Variants in DOCK5 observed in about 807,000 individuals in gnomAD.
The protein encoded by DOCK5 is dedicator of cytokinesis protein 5.
A neutral mutation model predicts 251.8 loss-of-function variants in DOCK5; 142 were observed. The ratio of observed to expected loss-of-function variants is 0.56; its 90% CI spans 0.49 to 0.65. The LOEUF (loss-of-function observed/expected upper bound fraction) is 0.65. Among genes scored for constraint, DOCK5 ranks in the 30% least tolerant of loss-of-function variants. DOCK5 has a pLI of 0.00. For synonymous variants in DOCK5, 842 were observed against 835.5 expected (o/e 1.01, Z -0.13); for missense variants, 2,111 against 2,312.3 (o/e 0.91, Z 1.79).
Position 25,336,345 on chromosome 8 carries a change from A to C in DOCK5, c.2299A>C (p.Ile767Leu). The C allele has an allele frequency of 6.2e-7, 1 of 1,613,974 alleles. No homozygotes were observed. Among genetic ancestry groups the C allele is most frequent in the Non-Finnish European group, 8.5e-7 (1 of 1,179,862 alleles). ...AGCCTTGAAGTACTTGTTTAGATTC[A>C]TCATCCAATCCCGAGTGCTCTACTT... ...LKALKYLFRF[I>L]IQSRVLYLRF... Residue 767 changes from isoleucine (I) to leucine (L), a missense_variant, in exon 22 of 52, where the codon ATC (isoleucine) becomes CTC (leucine). This residue lies in a region of DOCK5 where 1,717 missense variants were observed against 1,892.4 expected (regional missense o/e 0.91). Transcript: ENST00000276440.
At chr8:25,345,770 C>T (rs1396581724) in intron 26 of DOCK5, among the ~76,000 whole-genome samples, 159 bp downstream of exon 26, 1 of 152,098 alleles carries the variant, frequency 6.6e-6, no homozygotes, top group South Asian at 2.1e-4. Context: ...CCAGAGCCTC[C>T]AGTGCAAAGT....
chr8:25,291,941 C>T, intron 5 of DOCK5, 83 bp from the exon 6 acceptor site: 1 of 1,202,530 alleles, frequency 8.3e-7, no homozygotes, highest in Non-Finnish European at 1.1e-6. Context: ...CCGTTAAAAA[C>T]AAACAAATAA....
rs1359661503 is a variant in DOCK5, at chr8:25,374,580, C to T, written c.3742C>T (p.Arg1248Ter). 5 of 1,609,134 alleles carry T rather than the reference C, an allele frequency of 3.1e-6. No homozygotes were observed. Among genetic ancestry groups the T allele is most frequent in the East Asian group, 2.2e-5 (1 of 44,818 alleles). Reference sequence around the variant, plus strand: ...TCTTGCCAGATATCTGTACAAGCTTCGAGATTTGCACCGAGACTGTGAGAA... The same window carrying T: ...TCTTGCCAGATATCTGTACAAGCTTTGAGATTTGCACCGAGACTGTGAGAA... ...DIYIRYLYKL[R>*]DLHRDCENYT... The change falls in exon 37 of 52, where the codon CGA (arginine) becomes TGA (stop). Residue 1248 changes from arginine to a stop codon, truncating the protein, a stop_gained. Coordinates refer to ENST00000276440, the MANE Select transcript of DOCK5 (RefSeq NM_024940.8). LOFTEE classifies it high-confidence loss of function.
chr8:25,208,157 A>G (rs1483788419), intron 1 of DOCK5, among the ~76,000 whole-genome samples: 1 of 152,182 alleles, frequency 6.6e-6, no homozygotes, highest in East Asian at 1.9e-4. Flanking sequence ...TCTTGATAAA[A>G]CTTGAGCAGA....
chr8:25,379,799 C>A (rs1197160575), intron 38 of DOCK5, among the ~76,000 whole-genome samples: 1 of 151,964 alleles, frequency 6.6e-6, no homozygotes, highest in Admixed American at 6.6e-5. Flanking sequence ...CAACACCACA[C>A]AACAGTACTG....
rs981260567 is a variant in DOCK5 at position 25,185,077 on chromosome 8, T to A, written c.43+126T>A. 1.1e-5 allele frequency: 12 copies of A among 1,111,976 alleles called. No individual in the cohort carries two copies. The African/African-American group carries it at 1.8e-4, about 17-fold the overall frequency. The allele number at this position is 1,111,976 out of a possible 1,614,324, so 68.9% of individuals were successfully genotyped here. On this transcript the variant is annotated intron_variant, in intron 1 of 51. Transcript: ENST00000276440. ...CGGGGGCTCGGCCCGGCTGCGCAGCTCTGGGAGCCGGGGACGGTAGGAGTC... is the reference window on the plus strand; with the variant it reads ...CGGGGGCTCGGCCCGGCTGCGCAGCACTGGGAGCCGGGGACGGTAGGAGTC...
At chr8:25,297,295 C>G (rs1468762974) in intron 7 of DOCK5, among the ~76,000 whole-genome samples, 1 of 147,326 alleles carries the variant, frequency 6.8e-6, no homozygotes, top group Admixed American at 6.9e-5. Context: ...TAGATGGAGT[C>G]TTGCTCTGTT....
intron 7 of DOCK5, among the ~76,000 whole-genome samples, 186 bp from the exon 8 acceptor site, chr8:25,298,758 G>A (rs190955853): frequency 8.5e-5 from 13 of 152,090 alleles, no homozygotes; most frequent in African/African-American, 2.9e-4. Flanking sequence ...AGAGACAGAG[G>A]CTTGCTGTGT....
At position 25,411,381 on chromosome 8, in the gene DOCK5, G is replaced by C. The variant is rs1476016824; in HGVS notation, c.*83G>C. On this transcript the variant is annotated 3_prime_UTR_variant, in exon 52 of 52. Coordinates refer to ENST00000276440, the MANE Select transcript of DOCK5 (RefSeq NM_024940.8). ...CCTCCAGCCGGTGTCCTCATTCCAT[G>C]GGGCTCCCTGCTGACTGCATTTCCT... The C allele has an allele frequency of 7.4e-7, 1 of 1,347,078 alleles. No homozygotes were observed. Among genetic ancestry groups the C allele is most frequent in the African/African-American group, 1.5e-5 (1 of 65,172 alleles). 83.4% of individuals were successfully genotyped at this position (1,347,078 alleles called of 1,614,324 possible). A position where few individuals can be genotyped will look rare whatever the true frequency, so the allele number is the denominator to read the frequency against.
At chr8:25,302,597 G>C (rs1804794946) in intron 10 of DOCK5, 143 bp downstream of exon 10, 1 of 1,173,684 alleles carries the variant, frequency 8.5e-7, no homozygotes, top group Non-Finnish European at 1.2e-6. Flanking sequence ...GTCTGGAGGA[G>C]ATATTTGTGC....
intron 14 of DOCK5, 42 bp from the exon 15 acceptor site, chr8:25,319,536 A>G (rs756076709): frequency 1.4e-6 from 2 of 1,475,082 alleles, no homozygotes; most frequent in South Asian, 2.4e-5. Context: ...TTACTTTTCT[A>G]AACAAAATTA....
chr8:25,298,534 C>T (rs536924401), intron 7 of DOCK5, among the ~76,000 whole-genome samples: 3 of 152,276 alleles, frequency 2.0e-5, no homozygotes, highest in African/African-American at 7.2e-5. Context: ...CACTTACATA[C>T]ACTTTTTCTT....
chr8:25,312,016 C>T (rs1362008064), intron 13 of DOCK5, among the ~76,000 whole-genome samples: 1 of 152,098 alleles, frequency 6.6e-6, no homozygotes, highest in Non-Finnish European at 1.5e-5. Flanking sequence ...TTGCTGCCCA[C>T]ATTGTCTACA....
At position 25,368,577 on chromosome 8, in the gene DOCK5, A is replaced by G. The variant is rs577043676; in HGVS notation, c.3290A>G (p.His1097Arg). The change falls in exon 33 of 52, where the codon CAC becomes CGC. Residue 1097 changes from histidine to arginine, a missense_variant. His to Arg is a conservative substitution (Grantham distance 29). This residue lies in a region of DOCK5 where 1,717 missense variants were observed against 1,892.4 expected (regional missense o/e 0.91). Coordinates refer to ENST00000276440, the MANE Select transcript of DOCK5 (RefSeq NM_024940.8). ...IRDMWYNLGP[H>R]KIKFIPSMVG... ...TCATTCACTTTCATTTCAGGTCCCC[A>G]CAAAATCAAATTCATCCCATCCATG... 3 of 1,595,636 alleles carry G rather than the reference A, an allele frequency of 1.9e-6. No homozygotes were observed. The highest frequency in any genetic ancestry group is 2.6e-6 in the Non-Finnish European group (3 of 1,171,854).
At chr8:25,272,763 G>T (rs1055840186) in intron 3 of DOCK5, among the ~76,000 whole-genome samples, 2 of 152,122 alleles carry the variant, frequency 1.3e-5, no homozygotes, top group Non-Finnish European at 1.5e-5. Flanking sequence ...GTGGCACTAA[G>T]TACATTCTCA....
intron 2 of DOCK5, among the ~76,000 whole-genome samples, chr8:25,256,309 T>C (rs1426516306): frequency 6.6e-6 from 1 of 152,182 alleles, no homozygotes; most frequent in Non-Finnish European, 1.5e-5. Context: ...TTACTAACCT[T>C]GAATACTTGT....
chr8:25,193,355 ATT>A (rs796086651), intron 1 of DOCK5, among the ~76,000 whole-genome samples: 1 of 143,162 alleles, frequency 7.0e-6, no homozygotes, highest in Non-Finnish European at 1.5e-5. Flanking sequence ...TCTAACGTGT[ATT>A]TTTTTTTTTA....
Position 25,380,380 on chromosome 8 carries a change from C to G in DOCK5, c.4012C>G (p.Leu1338Val). ...AAGCAAAGTATTTGACTACGAGGGC[C>G]TTGGCAACCTCCTGGTGAGTCTGGG... ...YESKVFDYEGLGNLLKKRASF... is the reference protein window; with the variant it reads ...YESKVFDYEGVGNLLKKRASF... Residue 1338 changes from leucine (L) to valine (V), a missense_variant, in exon 39 of 52, where the codon CTT becomes GTT. By Grantham distance (32) the Leu-to-Val change is conservative (BLOSUM62 1). Transcript: ENST00000276440. The G allele has an allele frequency of 6.2e-7, 1 of 1,609,192 alleles. No individual in the cohort carries two copies. Among genetic ancestry groups the G allele is most frequent in the Non-Finnish European group, 8.5e-7 (1 of 1,177,638 alleles).
At chr8:25,230,017 G>C (rs952201854) in intron 1 of DOCK5, among the ~76,000 whole-genome samples, 3 of 152,150 alleles carry the variant, frequency 2.0e-5, no homozygotes, top group Admixed American at 6.5e-5. Flanking sequence ...ACTGCAATTG[G>C]ATCTAGAATT....
Sources: allele counts gnomAD v4.1 joint callset (sites outside exome capture counted in the v4.1 genomes callset), GRCh38; gene constraint gnomAD v4.1.1; regional missense constraint gnomAD v4.1.1; transcripts MANE v1.5; gene names NCBI Gene and HGNC (gene_info 2026-07-23, HGNC 2026-07-21).